ACOX3: variants seen among roughly 807,000 people sequenced by gnomAD.
ACOX3 encodes the protein peroxisomal acyl-coenzyme A oxidase 3.
ACOX3 carries 73 observed loss-of-function variants against 81.5 expected under a neutral mutation model. The observed-to-expected ratio is 0.90, with a 90% CI of 0.74 to 1.09. The LOEUF is 1.09. ACOX3 is among the 50% of genes least tolerant of loss of function. The pLI is 0.00. For synonymous variants in ACOX3, 387 were observed against 375.1 expected, an observed-to-expected ratio of 1.03 and a Z score of -0.37; for missense variants, 947 against 928.0, an observed-to-expected ratio of 1.02 and a Z score of -0.27.
chr4:8,358,550 T>G, the ACOX3 span, among the ~76,000 whole-genome samples: 29 of 152,270 alleles, frequency 1.9e-4, no homozygotes, highest in African/African-American at 5.5e-4. Flanking sequence ...CCCCGATGGT[T>G]AGGTAGTCTA....
At chr4:8,412,291 C>T (rs1201557130) in intron 5 of ACOX3, among the ~76,000 whole-genome samples, 1 of 152,264 alleles carries the variant, frequency 6.6e-6, no homozygotes, top group South Asian at 2.1e-4. Flanking sequence ...GCACCCTGTG[C>T]GAGGACCACC....
the ACOX3 span, among the ~76,000 whole-genome samples, chr4:8,360,364 T>C: frequency 1.3e-5 from 2 of 152,196 alleles, no homozygotes; most frequent in Non-Finnish European, 2.9e-5. Context: ...GTTTTAAAGA[T>C]TATTGGCAAA....
At chr4:8,365,046 C>T (rs185250504), downstream of ACOX3, among the ~76,000 whole-genome samples, 17 of 152,268 alleles carry the variant, frequency 1.1e-4, no homozygotes, top group East Asian at 2.3e-3. Context: ...CACACACACA[C>T]GGCCTGAGGC....
intron 8 of ACOX3, among the ~76,000 whole-genome samples, chr4:8,398,607 A>G (rs757615155): frequency 5.3e-5 from 8 of 152,076 alleles, no homozygotes; most frequent in Non-Finnish European, 1.2e-4. Flanking sequence ...CCCACCAAGT[A>G]ACGGACCACA....
intron 10 of ACOX3, among the ~76,000 whole-genome samples, chr4:8,392,716 C>T (rs956234959): frequency 2.0e-5 from 3 of 152,242 alleles, no homozygotes; most frequent in East Asian, 1.9e-4. Context: ...GGCCCTAACA[C>T]GGGTCCCAGA....
rs1306971105 is a variant in ACOX3 at position 8,386,510 on chromosome 4, G to T, written c.1537+2663C>A. Among the ~76,000 whole-genome samples the T allele has an allele frequency of 6.7e-6, 1 of 150,216 alleles. No individual in the cohort carries two copies. Among genetic ancestry groups the T allele is most frequent in the Non-Finnish European group, 1.5e-5 (1 of 67,800 alleles). ...GAACCTGGGAGGTGGAGCTTGCAGT[G>T]AGCCGAGATCATACCACTGCACTCC... On this transcript the variant is annotated intron_variant, in intron 13 of 17. Coordinates refer to ENST00000356406, the MANE Select transcript of ACOX3 (RefSeq NM_003501.3). The surrounding 1 kb of genome is among the most constrained non-coding windows in gnomAD (Gnocchi z 5.2).
chr4:8,359,156 T>C, the ACOX3 span, among the ~76,000 whole-genome samples: 1 of 151,962 alleles, frequency 6.6e-6, no homozygotes, highest in Non-Finnish European at 1.5e-5. This position sits in a 1 kb window ranked among gnomAD's most constrained non-coding sequence, Gnocchi z 6.0. Context: ...TAACTTTGGG[T>C]AAGTGGTAGG....
chr4:8,357,282 G>A, the ACOX3 span: 1 of 456,588 alleles, frequency 2.2e-6, no homozygotes, highest in Non-Finnish European at 4.4e-6. Context: ...GGCCCTCGAG[G>A]GGAATGCAGG....
intron 14 of ACOX3, among the ~76,000 whole-genome samples, chr4:8,379,001 T>G (rs1033731826): frequency 3.9e-5 from 6 of 152,184 alleles, no homozygotes; most frequent in Non-Finnish European, 7.3e-5. Context: ...CAGTGGCTGC[T>G]GGGGCTGGTT....
rs146635266 is a variant in ACOX3, at chr4:8,416,498, G to A, written c.24C>T (p.Gly8=). 32 of 1,611,400 alleles carry A rather than the reference G, an allele frequency of 2.0e-5. 1 individual carries two copies. In the African/African-American group the frequency reaches 2.5e-4, roughly 13 times the overall value. ...GGAATTCTGGGAGCAGAGCTGTGTC[G>A]CCTCCTTCCACAGTGGATGCCATCG... MASTVEG[G]DTALLPEFPR... The change falls in exon 2 of 18, where the codon GGC becomes GGT. Residue 8 remains glycine, a synonymous_variant. Coordinates refer to ENST00000356406, the MANE Select transcript of ACOX3 (RefSeq NM_003501.3). This position sits in a 1 kb window ranked among gnomAD's most constrained non-coding sequence, Gnocchi z 4.2.
intron 13 of ACOX3, among the ~76,000 whole-genome samples, chr4:8,387,855 G>A (rs60935507): frequency 0.012 from 1,756 of 152,318 alleles, 39 homozygotes; most frequent in African/African-American, 0.04. Flanking sequence ...TGTAGGACAC[G>A]CAGAGCTCGG....
intron 1 of ACOX3, among the ~76,000 whole-genome samples, chr4:8,418,187 G>C (rs1191786436): frequency 2.6e-5 from 4 of 152,178 alleles, no homozygotes; most frequent in Non-Finnish European, 5.9e-5. Context: ...GTATTACTTT[G>C]ACACCAAAAC....
At chr4:8,425,710 A>G (rs1290295497) in intron 1 of ACOX3, among the ~76,000 whole-genome samples, 4 of 151,232 alleles carry the variant, frequency 2.6e-5, no homozygotes, top group African/African-American at 9.7e-5. Flanking sequence ...CTGGATAGAT[A>G]CTTTCACTGG....
chr4:8,431,170 C>T lies in ACOX3; in HGVS notation c.-15+9478G>A, dbSNP rs1004175497. Among the ~76,000 whole-genome samples, 1 of 152,212 alleles carries T rather than the reference C, an allele frequency of 6.6e-6. No individual in the cohort carries two copies. The highest frequency in any genetic ancestry group is 1.5e-5 in the Non-Finnish European group (1 of 68,034). ...CTTGGCCAGGTCCTCAGGCTCCCCTCCCTTCTCTGCCTGTCCCTTTTCACC... is the reference window on the plus strand; with the variant it reads ...CTTGGCCAGGTCCTCAGGCTCCCCTTCCTTCTCTGCCTGTCCCTTTTCACC... On this transcript the variant is annotated intron_variant, in intron 1 of 17. Coordinates refer to ENST00000356406, the MANE Select transcript of ACOX3 (RefSeq NM_003501.3). This position sits in a 1 kb window ranked among gnomAD's most constrained non-coding sequence, Gnocchi z 5.3.
At chr4:8,388,608 C>CA (rs1345615665) in intron 13 of ACOX3, among the ~76,000 whole-genome samples, 1 of 152,248 alleles carries the variant, frequency 6.6e-6, no homozygotes, top group African/African-American at 2.4e-5. Flanking sequence ...GACACACCTG[C>CA]AGGAGGCTGT....
At position 8,384,242 on chromosome 4, in the gene ACOX3, C is replaced by A. The variant is rs562324511; in HGVS notation, c.1538-2635G>T. Among the ~76,000 whole-genome samples, 14 of 152,270 alleles carry A rather than the reference C, an allele frequency of 9.2e-5. No homozygotes were observed. In the South Asian group the frequency reaches 2.9e-3, roughly 32 times the overall value. The stretch of plus-strand genomic sequence containing the variant: ...CACTGTGTTTTTTCCTTACACTCTA[C>A]TTTTGGTTCTTGGTTTTTCGTGAAA... On this transcript the variant is annotated intron_variant, in intron 13 of 17. Coordinates refer to ENST00000356406, the MANE Select transcript of ACOX3 (RefSeq NM_003501.3). This position sits in a 1 kb window ranked among gnomAD's most constrained non-coding sequence, Gnocchi z 5.3.
In ACOX3 at chr4:8,394,629, G is replaced by A. The variant is rs1029290555; in HGVS notation, c.1170C>T (p.Ser390=). 2 of 1,613,614 alleles carry A rather than the reference G, an allele frequency of 1.2e-6. No homozygotes were observed. The highest frequency in any genetic ancestry group is 1.7e-5 in the Admixed American group (1 of 60,022). Residue 390 remains serine (S), a synonymous_variant, in exon 10 of 18, where the codon AGC becomes AGT. Coordinates refer to ENST00000356406, the MANE Select transcript of ACOX3 (RefSeq NM_003501.3). This position sits in a 1 kb window ranked among gnomAD's most constrained non-coding sequence, Gnocchi z 5.9. ...GCAGACACCACCTCACCTGTCTGGC[G>A]CTGCGGTCTCCCGATGCAAGTCCTC... is the stretch of plus-strand genomic sequence containing the variant. ...LQRGLASGDR[S]ARQAELGREI... is the part of the protein sequence containing the mutation.
intron 9 of ACOX3, among the ~76,000 whole-genome samples, chr4:8,395,890 T>C (rs1719639908): frequency 6.6e-6 from 1 of 152,262 alleles, no homozygotes; most frequent in Non-Finnish European, 1.5e-5. Flanking sequence ...TCTACCTTTA[T>C]TCATGCACAG....
chr4:8,364,645 A>G (rs1715317962), downstream of ACOX3, among the ~76,000 whole-genome samples: 1 of 152,348 alleles, frequency 6.6e-6, no homozygotes, highest in South Asian at 2.1e-4. The surrounding 1 kb of genome is among the most constrained non-coding windows in gnomAD (Gnocchi z 5.0). Flanking sequence ...GACATCACAA[A>G]GCTCTCCTGC....
Sources: gnomAD v4.1 joint callset for allele counts (sites outside exome capture counted in the v4.1 genomes callset) on GRCh38, gnomAD v4.1.1 for gene constraint, Gnocchi (gnomAD v3.1) non-coding constraint, MANE v1.5 for transcripts, NCBI Gene and HGNC (gene_info 2026-07-23, HGNC 2026-07-21) for gene names.